The following CLASP2 variants were observed in gnomAD, a reference collection of about 807,000 sequenced individuals.
CLASP2 encodes CLIP-associating protein 2.
A neutral mutation model predicts 194.4 loss-of-function variants in CLASP2; 47 were observed. The ratio of observed to expected loss-of-function variants is 0.24; its 90% CI spans 0.19 to 0.31. CLASP2 has a LOEUF of 0.31. Ranked by LOEUF, CLASP2 falls within the 10% of genes least tolerant of loss-of-function variation. The pLI, the probability that CLASP2 is intolerant of heterozygous loss-of-function variation, is 1.00. For missense variants in CLASP2, 1,445 were observed against 1,823.6 expected, an observed-to-expected ratio of 0.79 and a Z score of 3.78; for synonymous variants, 619 against 633.5, an observed-to-expected ratio of 0.98 and a Z score of 0.34.
At chr3:33,690,737 C>T (rs191461728) in intron 2 of CLASP2, among the ~76,000 whole-genome samples, 63 of 152,282 alleles carry the variant, frequency 4.1e-4, no homozygotes, top group African/African-American at 1.1e-3. Context: ...CTTGGACTGT[C>T]CCGCTCCATT....
rs928581054 is a variant in CLASP2, at chr3:33,611,876, A to G, written c.1388+125T>C. On this transcript the variant is annotated intron_variant, in intron 13 of 38. Coordinates refer to ENST00000682230, the MANE Select transcript of CLASP2 (RefSeq NM_001365631.1). ...GAGATATGATTAAAAAAACAAAACAAAACACTTTTTTATGGTTTTCTGGAA... is the reference window on the plus strand; with the variant it reads ...GAGATATGATTAAAAAAACAAAACAGAACACTTTTTTATGGTTTTCTGGAA... 6.0e-6 allele frequency: 4 copies of G among 670,554 alleles called. No individual in the cohort carries two copies. In the Admixed American group the frequency reaches 8.5e-5, roughly 14 times the overall value. The allele number at this position is 670,554 out of a possible 1,614,324, so 41.5% of individuals were successfully genotyped here.
intron 8 of CLASP2, chr3:33,644,279 C>T (rs572418889): frequency 6.4e-6 from 1 of 155,210 alleles, no homozygotes; most frequent in Non-Finnish European, 1.4e-5. Context: ...TACTTGACCA[C>T]CACCCATCTC....
At chr3:33,697,556 C>T (rs1008280485) in intron 1 of CLASP2, among the ~76,000 whole-genome samples, 1 of 152,154 alleles carries the variant, frequency 6.6e-6, no homozygotes, top group Non-Finnish European at 1.5e-5. Context: ...ATATACAGTC[C>T]ATCATTGACC....
chr3:33,626,868 AC>A, intron 10 of CLASP2, 119 bp downstream of exon 10: 1 of 602,118 alleles, frequency 1.7e-6, no homozygotes, highest in Non-Finnish European at 2.9e-6. Flanking sequence ...AAGAAATGTT[AC>A]CTATCAGACT....
At chr3:33,709,621 C>A (rs1440387505) in intron 1 of CLASP2, among the ~76,000 whole-genome samples, 3 of 151,872 alleles carry the variant, frequency 2.0e-5, no homozygotes, top group Admixed American at 2.0e-4. Context: ...AGCAGGCATC[C>A]CCTAGAAGCT....
chr3:33,593,838 T>C (rs1254524144), intron 20 of CLASP2, among the ~76,000 whole-genome samples: 1 of 152,188 alleles, frequency 6.6e-6, no homozygotes, highest in Non-Finnish European at 1.5e-5. Context: ...CGAGAAATCA[T>C]GTTTTTATTT....
In CLASP2 at chr3:33,715,567, G is replaced by T. The variant is rs1030120864; in HGVS notation, c.195+2241C>A. On this transcript the variant is annotated intron_variant, in intron 1 of 38. Coordinates refer to ENST00000682230, the MANE Select transcript of CLASP2 (RefSeq NM_001365631.1). ...GAAGAGTAAGTTCCTGATAATAATAGGTCATCGATAAATATCCTAATGCAG... is the reference window on the plus strand; with the variant it reads ...GAAGAGTAAGTTCCTGATAATAATATGTCATCGATAAATATCCTAATGCAG... Among the ~76,000 whole-genome samples, 9 of 151,988 alleles carry T rather than the reference G, an allele frequency of 5.9e-5. No homozygotes were observed. In the East Asian group the frequency reaches 1.4e-3, roughly 23 times the overall value.
intron 22 of CLASP2, among the ~76,000 whole-genome samples, chr3:33,584,514 C>G (rs938278884): frequency 3.3e-5 from 5 of 151,778 alleles, no homozygotes; most frequent in East Asian, 1.9e-4. Flanking sequence ...GATCCACCCC[C>G]CTCAGCCTCC....
Position 33,684,351 on chromosome 3 carries a change from A to G in CLASP2, c.644+8T>C, listed in dbSNP as rs760116050. On this transcript the variant is annotated splice_region_variant and intron_variant, in intron 6 of 38. Coordinates refer to ENST00000682230, the MANE Select transcript of CLASP2 (RefSeq NM_001365631.1). ...AAAAAAAAAAGAACCAAATTTAGCA[A>G]GACTTACCTAGCAGGGGGAATTCCT... 3.6e-5 allele frequency: 56 copies of G among 1,538,736 alleles called. No homozygotes were observed. The East Asian group carries it at 1.3e-3, about 36-fold the overall frequency.
At chr3:33,549,564 A>G (rs1235339723) in intron 30 of CLASP2, among the ~76,000 whole-genome samples, 2 of 151,966 alleles carry the variant, frequency 1.3e-5, no homozygotes, top group Non-Finnish European at 2.9e-5. Flanking sequence ...ATTTCATTCT[A>G]TTGTGGTCAG....
At chr3:33,696,467 C>CTTT (rs527665599) in intron 2 of CLASP2, among the ~76,000 whole-genome samples, 1 of 117,976 alleles carries the variant, frequency 8.5e-6, no homozygotes, top group African/African-American at 3.1e-5. Context: ...CATAACATTA[C>CTTT]TTTTTTTTTT....
chr3:33,615,153 A>G (rs1326131312), intron 12 of CLASP2, among the ~76,000 whole-genome samples: 1 of 152,156 alleles, frequency 6.6e-6, no homozygotes, highest in Non-Finnish European at 1.5e-5. Flanking sequence ...CCCAGAATCA[A>G]TTAAAAAAAG....
intron 10 of CLASP2, among the ~76,000 whole-genome samples, chr3:33,623,719 T>C (rs557241925): frequency 6.6e-6 from 1 of 152,342 alleles, no homozygotes; most frequent in South Asian, 2.1e-4. Flanking sequence ...TTTTTGTGAA[T>C]AGTGCTGCAA....
rs1415483360 is a variant in CLASP2 at position 33,627,055 on chromosome 3, T to A, written c.968A>T (p.Glu323Val). Reference protein sequence around the residue: ...IQIYSSRELEETLNKIREILS... With the variant: ...IQIYSSRELEVTLNKIREILS... ...AATTTCCCTGATTTTATTTAATGTT[T>A]CTTCGAGTTCTCGACTAGAATAAAT... is the stretch of plus-strand genomic sequence containing the variant. The change falls in exon 10 of 39, where the codon GAA (glutamate) becomes GTA (valine). Residue 323 changes from glutamate to valine, a missense_variant. Physicochemically the swap from Glu to Val is moderately radical, Grantham distance 121 (BLOSUM62 -2). Transcript: ENST00000682230. 1.3e-6 allele frequency: 2 copies of A among 1,575,908 alleles called. No homozygotes were observed. Among genetic ancestry groups the A allele is most frequent in the African/African-American group, 1.3e-5 (1 of 74,240 alleles).
intron 12 of CLASP2, among the ~76,000 whole-genome samples, chr3:33,613,087 C>G (rs1187825345): frequency 6.6e-6 from 1 of 152,058 alleles, no homozygotes; most frequent in African/African-American, 2.4e-5. Context: ...CCCTATTACC[C>G]TAATTTGACA....
chr3:33,607,545 T>C (rs1253375036), intron 14 of CLASP2, 84 bp from the exon 15 acceptor site: 2 of 830,248 alleles, frequency 2.4e-6, no homozygotes, highest in African/African-American at 1.7e-5. Context: ...ATGTTACATA[T>C]TAATCACAAA....
At chr3:33,507,558 T>C (rs1037796358) in intron 37 of CLASP2, among the ~76,000 whole-genome samples, 4 of 152,300 alleles carry the variant, frequency 2.6e-5, no homozygotes, top group African/African-American at 9.6e-5. Context: ...TGTGGCTCAC[T>C]GCAGTCTCTA....
At chr3:33,706,491 T>C (rs1385078740) in intron 1 of CLASP2, among the ~76,000 whole-genome samples, 2 of 152,180 alleles carry the variant, frequency 1.3e-5, no homozygotes, top group Non-Finnish European at 2.9e-5. Context: ...ATCTTGTCAA[T>C]GGGACATATC....
chr3:33,681,463 T>TCCC (rs922835088), intron 6 of CLASP2, among the ~76,000 whole-genome samples: 2 of 140,360 alleles, frequency 1.4e-5, no homozygotes, highest in Non-Finnish European at 3.2e-5. Flanking sequence ...CTTCCTGACA[T>TCCC]CCCCCCACCA....
Sources: allele counts gnomAD v4.1 joint callset (sites outside exome capture counted in the v4.1 genomes callset), GRCh38; gene constraint gnomAD v4.1.1; transcripts MANE v1.5; gene names NCBI Gene and HGNC (gene_info 2026-07-23, HGNC 2026-07-21).